TMEM131: variants seen among roughly 807,000 people sequenced by gnomAD.
TMEM131 encodes transmembrane protein 131.
Under a neutral mutation model 211.6 loss-of-function variants are expected in TMEM131, and 66 were observed. The ratio of observed to expected loss-of-function variants is 0.31; its 90% confidence interval spans 0.26 to 0.38. The LOEUF (loss-of-function observed/expected upper bound fraction) is 0.38, where lower values mean the gene tolerates loss of function less well. Ranked by LOEUF, TMEM131 falls within the 10% of genes least tolerant of loss-of-function variation. The probability of loss-of-function intolerance (pLI) is 1.00; values close to 1 mark genes in which losing one functional copy is unlikely to be tolerated. For synonymous variants in TMEM131, 844 were observed against 841.3 expected, an observed-to-expected ratio of 1.00 and a Z score of -0.06; for missense variants, 2,036 against 2,299.3, an observed-to-expected ratio of 0.89 and a Z score of 2.34.
intron 33 of TMEM131, among the ~76,000 whole-genome samples, chr2:97,768,644 G>A (rs759748811): frequency 6.6e-6 from 1 of 152,200 alleles, no homozygotes; most frequent in Non-Finnish European, 1.5e-5. Flanking sequence ...AGGCTGGAGT[G>A]CAGTGGCACG....
chr2:97,802,461 T>C lies in TMEM131; in HGVS notation c.2618A>G (p.Asn873Ser). ...VQFIPLALYSNPSVFVDKLVS... is the reference protein window; with the variant it reads ...VQFIPLALYSSPSVFVDKLVS... ...TAACTTATCTACAAACACTGAAGGG[T>C]TGGAATATAAAGCCAGAGGAATAAA... The change falls in exon 24 of 41, where the codon AAC (asparagine) becomes AGC (serine). Residue 873 changes from asparagine to serine, a missense_variant. Around this residue, in one of 3 missense-constraint regions of TMEM131, gnomAD observed 1,623 missense variants for 1,805.9 expected, o/e 0.90. Coordinates refer to ENST00000186436, the MANE Select transcript of TMEM131 (RefSeq NM_015348.2). 5 of 1,611,428 alleles carry C rather than the reference T, an allele frequency of 3.1e-6. No individual in the cohort carries two copies. The highest frequency in any genetic ancestry group is 4.2e-6 in the Non-Finnish European group (5 of 1,179,010).
chr2:97,870,197 G>C (rs1674435483), intron 4 of TMEM131, among the ~76,000 whole-genome samples: 1 of 152,108 alleles, frequency 6.6e-6, no homozygotes, highest in South Asian at 2.1e-4. Flanking sequence ...CTTAGTTACA[G>C]TTTCAAAATC....
At chr2:97,916,548 T>C (rs1050285791) in intron 2 of TMEM131, among the ~76,000 whole-genome samples, 1 of 152,188 alleles carries the variant, frequency 6.6e-6, no homozygotes, top group Non-Finnish European at 1.5e-5. Context: ...TGACATGACA[T>C]GAAGTGGCTG....
At chr2:97,962,233 G>A (rs1309264535) in intron 1 of TMEM131, among the ~76,000 whole-genome samples, 1 of 152,218 alleles carries the variant, frequency 6.6e-6, no homozygotes, top group Non-Finnish European at 1.5e-5. Flanking sequence ...GCCTGGCGCA[G>A]TGGCTCACGC....
In TMEM131 at chr2:97,826,214, C is replaced by T. The variant is rs143408424; in HGVS notation, c.1074+7151G>A. Among the ~76,000 whole-genome samples, 433 of 152,308 alleles carry T rather than the reference C, an allele frequency of 2.8e-3. 2 individuals carry two copies. The highest frequency in any genetic ancestry group is 0.01 in the African/African-American group (419 of 41,564). On this transcript the variant is annotated intron_variant, in intron 11 of 40. Transcript: ENST00000186436. ...TGATGCAACCGTACTTGAAAGTAAGCCTCTTCTCCTAGGGAGCAGCACCCA... is the reference window on the plus strand; with the variant it reads ...TGATGCAACCGTACTTGAAAGTAAGTCTCTTCTCCTAGGGAGCAGCACCCA...
intron 2 of TMEM131, among the ~76,000 whole-genome samples, chr2:97,909,655 A>G (rs1199522538): frequency 1.3e-5 from 2 of 152,198 alleles, no homozygotes; most frequent in Admixed American, 1.3e-4. Context: ...AATATATATT[A>G]TTTTGAAATA....
chr2:97,833,281 T>A, intron 11 of TMEM131, 84 bp downstream of exon 11: 3 of 681,154 alleles, frequency 4.4e-6, no homozygotes, highest in Middle Eastern at 4.2e-4. Context: ...TATTTTAGAA[T>A]AAGGGTTTAA....
chr2:97,943,679 C>T (rs116705463), intron 1 of TMEM131, among the ~76,000 whole-genome samples: 9 of 152,042 alleles, frequency 5.9e-5, no homozygotes, highest in Admixed American at 2.6e-4. Context: ...TCAAGAATAG[C>T]CAAAACAGTT....
At chr2:97,782,847 C>T (rs1050153391) in intron 31 of TMEM131, among the ~76,000 whole-genome samples, 1 of 151,254 alleles carries the variant, frequency 6.6e-6, no homozygotes, top group African/African-American at 2.4e-5. Flanking sequence ...AACAAAAGAT[C>T]TGACATTTGT....
chr2:97,761,208 TAG>T lies in TMEM131; in HGVS notation c.4890-296_4890-295del, dbSNP rs565669443. 230 of 265,500 alleles carry T rather than the reference TAG, an allele frequency of 8.7e-4. 1 individual carries two copies. Among genetic ancestry groups the T allele is most frequent in the African/African-American group, 4.8e-3 (219 of 46,064 alleles). The allele number at this position is 265,500 out of a possible 1,614,324, so 16.4% of individuals were successfully genotyped here. On this transcript the variant is annotated intron_variant, in intron 36 of 40. Transcript: ENST00000186436. ...TCGATCACACTTTTGTGAAGAATGC[TAG>T]AGAGCCACTCGGCAGGAAATGCAGA...
At chr2:97,879,117 C>G (rs572677908) in intron 4 of TMEM131, among the ~76,000 whole-genome samples, 2 of 152,310 alleles carry the variant, frequency 1.3e-5, no homozygotes, top group South Asian at 4.1e-4. Context: ...TCCACCCCTG[C>G]TAGTTAGACT....
chr2:97,898,320 CTTGGTATGT>C (rs1410576539), intron 3 of TMEM131, among the ~76,000 whole-genome samples: 1 of 152,040 alleles, frequency 6.6e-6, no homozygotes, highest in East Asian at 1.9e-4. Context: ...TTCCAGAAAA[CTTGGTATGT>C]TGTTCTATGA....
intron 36 of TMEM131, 64 bp downstream of exon 36, chr2:97,761,971 G>C: frequency 6.8e-7 from 1 of 1,467,888 alleles, no homozygotes; most frequent in Non-Finnish European, 9.0e-7. Context: ...TCCATTTAAA[G>C]GGTGTGACAT....
intron 31 of TMEM131, 97 bp downstream of exon 31, chr2:97,792,289 T>C (rs781074278): frequency 6.9e-6 from 7 of 1,020,786 alleles, no homozygotes; most frequent in South Asian, 1.9e-5. Flanking sequence ...ACCTACTGAA[T>C]TAGTTGTTTA....
intron 1 of TMEM131, among the ~76,000 whole-genome samples, chr2:97,963,404 A>C (rs904065578): frequency 3.9e-5 from 6 of 152,236 alleles, no homozygotes; most frequent in African/African-American, 1.4e-4. Flanking sequence ...CTCAGGAACC[A>C]GTCAGCTTTA....
chr2:97,872,808 C>T lies in TMEM131; in HGVS notation c.360-13381G>A, dbSNP rs949915582. Among the ~76,000 whole-genome samples, 6 of 152,270 alleles carry T rather than the reference C, an allele frequency of 3.9e-5. No homozygotes were observed. In the East Asian group the frequency reaches 1.2e-3, roughly 29 times the overall value. On this transcript the variant is annotated intron_variant, in intron 4 of 40. Transcript: ENST00000186436. ...CCTGGGTTTCAAGCACAAAACTGGG[C>T]GGCCGTTTGGGCAGTCACCGAACTA...
intron 1 of TMEM131, among the ~76,000 whole-genome samples, chr2:97,967,347 A>G (rs1474234559): frequency 6.6e-6 from 1 of 152,234 alleles, no homozygotes; most frequent in East Asian, 1.9e-4. Flanking sequence ...CCAAGGACCC[A>G]GCAGTGTACT....
At chr2:97,990,472 T>C (rs1451597233) in intron 1 of TMEM131, among the ~76,000 whole-genome samples, 1 of 152,212 alleles carries the variant, frequency 6.6e-6, no homozygotes, top group Non-Finnish European at 1.5e-5. Context: ...ACAGATGTCT[T>C]AGGGCGGAAT....
intron 33 of TMEM131, among the ~76,000 whole-genome samples, chr2:97,767,880 G>A (rs952568943): frequency 1.8e-4 from 28 of 152,148 alleles, no homozygotes; most frequent in Non-Finnish European, 8.8e-5. Flanking sequence ...TGGGTCAGAG[G>A]CAATCTGCTG....
Sources: gnomAD v4.1 joint callset for allele counts (sites outside exome capture counted in the v4.1 genomes callset) on GRCh38, gnomAD v4.1.1 for gene constraint, gnomAD v4.1.1 regional missense constraint, MANE v1.5 for transcripts, NCBI Gene and HGNC (gene_info 2026-07-23, HGNC 2026-07-21) for gene names.